NCOA1: variants seen among roughly 807,000 people sequenced by gnomAD.
NCOA1 encodes the protein nuclear receptor coactivator 1, also known as Hin-2 protein.
A neutral mutation model predicts 150.9 loss-of-function variants in NCOA1; 35 were observed. That is an observed-to-expected ratio of 0.23 (90% confidence interval 0.18 to 0.31). NCOA1 has a LOEUF of 0.31. NCOA1 is among the 10% of genes least tolerant of loss of function. NCOA1 has a pLI of 1.00. For synonymous variants in NCOA1, 590 were observed against 630.0 expected, an observed-to-expected ratio of 0.94 and a Z score of 0.95; for missense variants, 1,491 against 1,749.3, an observed-to-expected ratio of 0.85 and a Z score of 2.63.
At chr2:24,607,375 C>T (rs1392563515) in intron 3 of NCOA1, among the ~76,000 whole-genome samples, 4 of 146,916 alleles carry the variant, frequency 2.7e-5, no homozygotes, top group Non-Finnish European at 4.5e-5. Context: ...ATTGGCTGGG[C>T]GGTTTTGCAT....
chr2:24,644,847 A>C (rs781634773), intron 4 of NCOA1, among the ~76,000 whole-genome samples: 1 of 152,220 alleles, frequency 6.6e-6, no homozygotes, highest in African/African-American at 2.4e-5. Context: ...TTATGTACTG[A>C]ACATATTTGT....
At chr2:24,731,568 A>G (rs1663012533) in intron 17 of NCOA1, among the ~76,000 whole-genome samples, 2 of 152,188 alleles carry the variant, frequency 1.3e-5, no homozygotes, top group South Asian at 4.1e-4. Context: ...AGAAAAGGAG[A>G]ACTAAGAAAG....
intron 1 of NCOA1, among the ~76,000 whole-genome samples, chr2:24,552,992 C>A (rs750201152): frequency 6.6e-6 from 1 of 152,174 alleles, no homozygotes; most frequent in Non-Finnish European, 1.5e-5. Flanking sequence ...TTCCTTCTTG[C>A]ATCACTGTAC....
chr2:24,576,258 A>C (rs1463713649), intron 2 of NCOA1, among the ~76,000 whole-genome samples: 1 of 144,944 alleles, frequency 6.9e-6, no homozygotes, highest in East Asian at 2.0e-4. Context: ...CACTCTCCTA[A>C]CAGCTTGTGG....
At chr2:24,653,108 G>C (rs905782716) in intron 4 of NCOA1, among the ~76,000 whole-genome samples, 14 of 152,152 alleles carry the variant, frequency 9.2e-5, no homozygotes, top group African/African-American at 3.1e-4. Context: ...CCTAGCCCCA[G>C]AATCTCAGAT....
intron 22 of NCOA1, among the ~76,000 whole-genome samples, chr2:24,766,866 C>G (rs1442821884): frequency 3.3e-5 from 5 of 151,896 alleles, no homozygotes; most frequent in African/African-American, 1.2e-4. Context: ...GTTATAGACA[C>G]AAGAGAAAGA....
chr2:24,578,388 T>C (rs931043076), intron 2 of NCOA1, among the ~76,000 whole-genome samples: 5 of 152,048 alleles, frequency 3.3e-5, no homozygotes, highest in African/African-American at 1.2e-4. Flanking sequence ...AAGAAGTGAT[T>C]ATAAAAACTA....
intron 3 of NCOA1, among the ~76,000 whole-genome samples, chr2:24,613,529 C>T (rs549065573): frequency 1.8e-4 from 27 of 152,254 alleles, no homozygotes; most frequent in African/African-American, 6.3e-4. Context: ...TGGCAAACCT[C>T]CTTGGCCCCA....
At chr2:24,496,225 A>C (rs1346304664) in intron 1 of NCOA1, among the ~76,000 whole-genome samples, 1 of 152,220 alleles carries the variant, frequency 6.6e-6, no homozygotes, top group Non-Finnish European at 1.5e-5. Flanking sequence ...CTTCTAAAAA[A>C]ATTTTTTTAT....
chr2:24,635,269 A>G (rs1055182103), intron 3 of NCOA1, among the ~76,000 whole-genome samples: 1 of 151,834 alleles, frequency 6.6e-6, no homozygotes, highest in African/African-American at 2.4e-5. Flanking sequence ...TTTTTTGAAT[A>G]TGGATTCATC....
intron 1 of NCOA1, among the ~76,000 whole-genome samples, chr2:24,510,491 C>T (rs1663890556): frequency 6.6e-6 from 1 of 152,152 alleles, no homozygotes; most frequent in Admixed American, 6.5e-5. Flanking sequence ...TACAGGCATG[C>T]ACTACCTGGC....
intron 1 of NCOA1, among the ~76,000 whole-genome samples, chr2:24,538,680 C>T (rs375687191): frequency 1.3e-5 from 2 of 152,082 alleles, no homozygotes; most frequent in East Asian, 3.9e-4. Flanking sequence ...AGTGACTTTC[C>T]AAGACCAGTT....
chr2:24,642,037 T>TGTGTGTGTGTGTGTGCGCGCGCGC (rs942145000), intron 3 of NCOA1, among the ~76,000 whole-genome samples: 9 of 138,452 alleles, frequency 6.5e-5, no homozygotes, highest in African/African-American at 1.8e-4. Flanking sequence ...TGTGTGTGTG[T>TGTGTGTGTGTGTGTGCGCGCGCGC]GCGCGCGTGC....
intron 3 of NCOA1, among the ~76,000 whole-genome samples, chr2:24,610,218 G>A (rs765721439): frequency 3.4e-5 from 5 of 146,212 alleles, no homozygotes; most frequent in African/African-American, 1.0e-4. Context: ...TCCATCTTCC[G>A]GTTCAAGCGA....
At position 24,707,878 on chromosome 2, in the gene NCOA1, C is replaced by A; in HGVS notation, c.2408C>A (p.Ala803Asp). 1 of 1,586,172 alleles carries A rather than the reference C, an allele frequency of 6.3e-7. No individual in the cohort carries two copies. Among genetic ancestry groups the A allele is most frequent in the Non-Finnish European group, 8.5e-7 (1 of 1,171,168 alleles). Residue 803 changes from alanine (A) to aspartate (D), a missense_variant, in exon 13 of 23, where the codon GCC becomes GAC. Around this residue, in one of 8 missense-constraint regions of NCOA1, gnomAD observed 703 missense variants for 717.7 expected, o/e 0.98. Transcript: ENST00000348332. The stretch of plus-strand genomic sequence containing the variant: ...ACTCCTGAGGAAATAAAACTGGAGG[C>A]CCAGAGCCAGGTGGGTAACTGCTTG... ...KPTPEEIKLE[A>D]QSQFTADLDQ... is the part of the protein sequence containing the mutation.
At chr2:24,634,844 TAGC>T (rs1393830495) in intron 3 of NCOA1, among the ~76,000 whole-genome samples, 1 of 151,586 alleles carries the variant, frequency 6.6e-6, no homozygotes, top group African/African-American at 2.4e-5. Flanking sequence ...CCCAACTGAG[TAGC>T]TGGGACTACA....
At chr2:24,667,674 A>C (rs770303289) in intron 6 of NCOA1, among the ~76,000 whole-genome samples, 2 of 152,100 alleles carry the variant, frequency 1.3e-5, no homozygotes, top group Non-Finnish European at 2.9e-5. Flanking sequence ...AGCTGGAAAA[A>C]ATTTTACTTC....
intron 11 of NCOA1, among the ~76,000 whole-genome samples, chr2:24,700,173 A>G (rs965946472): frequency 1.0e-4 from 15 of 149,116 alleles, no homozygotes; most frequent in Non-Finnish European, 1.6e-4. Flanking sequence ...AATAATAATA[A>G]TAATAATAGT....
intron 9 of NCOA1, among the ~76,000 whole-genome samples, chr2:24,692,304 G>T (rs1337368550): frequency 1.3e-5 from 2 of 152,162 alleles, no homozygotes; most frequent in African/African-American, 2.4e-5. Context: ...TATGTAGCAG[G>T]TCTCACCAGG....
Sources: allele counts gnomAD v4.1 joint callset (sites outside exome capture counted in the v4.1 genomes callset), GRCh38; gene constraint gnomAD v4.1.1; regional missense constraint gnomAD v4.1.1; transcripts MANE v1.5; gene names NCBI Gene and HGNC (gene_info 2026-07-23, HGNC 2026-07-21).